CNTN1: variants seen among roughly 807,000 people sequenced by gnomAD.
CNTN1 encodes the protein contactin 1, also known as contactin-1.
CNTN1 carries 38 observed loss-of-function variants against 126.4 expected under a neutral mutation model. The observed-to-expected ratio is 0.30, with a 90% CI of 0.23 to 0.39. The LOEUF (loss-of-function observed/expected upper bound fraction) is 0.39, where lower values mean the gene tolerates loss of function less well. Among genes scored for constraint, CNTN1 ranks in the 10% least tolerant of loss-of-function variants. The probability of loss-of-function intolerance (pLI) is 1.00; values close to 1 mark genes in which losing one functional copy is unlikely to be tolerated. For missense variants in CNTN1, 1,009 were observed against 1,248.4 expected, an observed-to-expected ratio of 0.81 and a Z score of 2.89; for synonymous variants, 413 against 422.6, an observed-to-expected ratio of 0.98 and a Z score of 0.28.
intron 1 of CNTN1, among the ~76,000 whole-genome samples, chr12:40,869,888 G>A (rs1943427117): frequency 6.6e-6 from 1 of 152,138 alleles, no homozygotes; most frequent in South Asian, 2.1e-4. Flanking sequence ...ACATTGATAT[G>A]GTTTGGCTTT....
intron 1 of CNTN1, among the ~76,000 whole-genome samples, chr12:40,746,843 C>T (rs942338159): frequency 1.3e-5 from 2 of 152,130 alleles, no homozygotes; most frequent in Non-Finnish European, 2.9e-5. Flanking sequence ...TGAGCCCACT[C>T]ACCCAGTTCC....
At position 40,987,333 on chromosome 12, in the gene CNTN1, A is replaced by G. The variant is rs1390352048; in HGVS notation, c.1964-5787A>G. On this transcript the variant is annotated intron_variant, in intron 16 of 23. Transcript: ENST00000551295. ...AATGAGATGAAGAAATAGACTATGT[A>G]CTTTTAAGGCAATCTATTGTAAATT... Among the ~76,000 whole-genome samples the G allele has an allele frequency of 4.6e-5, 7 of 152,202 alleles. No individual in the cohort carries two copies. In the East Asian group the frequency reaches 1.2e-3, roughly 25 times the overall value.
At position 41,016,761 on chromosome 12, in the gene CNTN1, A is replaced by G. The variant is rs1366600143; in HGVS notation, c.2264A>G (p.Lys755Arg). The change falls in exon 19 of 24, where the codon AAA becomes AGA. Residue 755 changes from lysine (K) to arginine (R), a missense_variant. Lys to Arg is a conservative substitution (Grantham distance 26). Coordinates refer to ENST00000551295, the MANE Select transcript of CNTN1 (RefSeq NM_001843.4). The stretch of plus-strand genomic sequence containing the variant: ...AAGCCATTTGATGGAGAAGAATGGA[A>G]AAAAGTCACAGTTACTAATCCTGAT... The part of the protein sequence containing the change: ...AFKPFDGEEW[K>R]KVTVTNPDTG... 2 of 1,614,160 alleles carry G rather than the reference A, an allele frequency of 1.2e-6. No individual in the cohort carries two copies. The highest frequency in any genetic ancestry group is 2.2e-5 in the East Asian group (1 of 44,862).
At chr12:40,743,184 A>G (rs899608313) in intron 1 of CNTN1, among the ~76,000 whole-genome samples, 4 of 151,908 alleles carry the variant, frequency 2.6e-5, no homozygotes, top group Non-Finnish European at 4.4e-5. Flanking sequence ...TTGGGCAAGG[A>G]CCAGTTGTGT....
chr12:40,693,954 A>G (rs1416311202), intron 1 of CNTN1, among the ~76,000 whole-genome samples: 2 of 152,216 alleles, frequency 1.3e-5, no homozygotes, highest in African/African-American at 4.8e-5. Flanking sequence ...AGTATTTTGC[A>G]AACATTCTTA....
At chr12:41,004,931 T>A (rs1047199914) in intron 17 of CNTN1, 3 of 152,230 alleles carry the variant, frequency 2.0e-5, no homozygotes, top group Admixed American at 6.5e-5. Context: ...TCATTTACAT[T>A]TAAGGTAACT....
chr12:40,803,350 G>A (rs568077979), intron 1 of CNTN1, among the ~76,000 whole-genome samples: 1 of 152,064 alleles, frequency 6.6e-6, no homozygotes, highest in East Asian at 1.9e-4. Context: ...GGGAGGCATT[G>A]TCCCTGTAAA....
intron 1 of CNTN1, among the ~76,000 whole-genome samples, chr12:40,867,652 A>G (rs953455798): frequency 1.3e-5 from 2 of 152,132 alleles, no homozygotes; most frequent in Non-Finnish European, 1.5e-5. Context: ...GTCTGCAGAA[A>G]TACTAGAATC....
intron 15 of CNTN1, chr12:40,971,960 T>G: frequency 9.9e-7 from 1 of 1,009,766 alleles, no homozygotes; most frequent in Non-Finnish European, 1.2e-6. Flanking sequence ...AATTAGGACA[T>G]AAGCTAAAAG....
intron 1 of CNTN1, among the ~76,000 whole-genome samples, chr12:40,821,178 T>C (rs193131614): frequency 6.6e-6 from 1 of 152,348 alleles, no homozygotes; most frequent in African/African-American, 2.4e-5. Flanking sequence ...AAATTATTTT[T>C]CAAATATTTA....
intron 23 of CNTN1, among the ~76,000 whole-genome samples, chr12:41,030,245 A>G (rs889433944): frequency 9.9e-5 from 15 of 152,098 alleles, no homozygotes; most frequent in African/African-American, 3.6e-4. Context: ...TAAATATGCT[A>G]TATATTAAAC....
chr12:41,050,180 G>C (rs1020852526), intron 23 of CNTN1, among the ~76,000 whole-genome samples: 1 of 152,148 alleles, frequency 6.6e-6, no homozygotes, highest in Admixed American at 6.5e-5. Context: ...GATTACAGGT[G>C]AGAGCCACTG....
chr12:40,804,194 G>A (rs1441481048), intron 1 of CNTN1, among the ~76,000 whole-genome samples: 3 of 151,964 alleles, frequency 2.0e-5, no homozygotes, highest in South Asian at 4.1e-4. Context: ...GCAGTGATTA[G>A]GTTGTGGGCT....
At chr12:40,727,443 T>TAA (rs951020452) in intron 1 of CNTN1, among the ~76,000 whole-genome samples, 9 of 144,010 alleles carry the variant, frequency 6.2e-5, no homozygotes, top group African/African-American at 2.3e-4. Context: ...CATCACAGAT[T>TAA]AAAAAAAAAA....
At chr12:40,738,652 G>A (rs528830039) in intron 1 of CNTN1, among the ~76,000 whole-genome samples, 10 of 152,020 alleles carry the variant, frequency 6.6e-5, no homozygotes, top group East Asian at 1.9e-4. Flanking sequence ...TAAATGACCC[G>A]TTAATAAAGG....
At chr12:40,892,140 G>A (rs1944258950) in intron 1 of CNTN1, among the ~76,000 whole-genome samples, 1 of 152,036 alleles carries the variant, frequency 6.6e-6, no homozygotes, top group South Asian at 2.1e-4. Flanking sequence ...CAAATAACTA[G>A]TTGGCTGTGA....
rs200237008 is a variant in CNTN1, at chr12:41,002,554, C to CTTTTTTTTTTTTTTTTTTTTTTT, written c.2113+9288_2113+9289insTTTTTTTTTTTTTTTTTTTTTTT. On this transcript the variant is annotated intron_variant, in intron 17 of 23. Transcript: ENST00000551295. Reference sequence around the variant, plus strand: ...CTTTTGGGCTGAGACTATAGGGTTTCTTTCTTTTTTTTTTTTTTTTTGAGA... The same window carrying CTTTTTTTTTTTTTTTTTTTTTTT: ...CTTTTGGGCTGAGACTATAGGGTTTCTTTTTTTTTTTTTTTTTTTTTTTTTTCTTTTTTTTTTTTTTTTTGAGA... 2.3e-5 allele frequency among the ~76,000 whole-genome samples: 3 copies of CTTTTTTTTTTTTTTTTTTTTTTT among 131,514 alleles called. 1 individual carries two copies. The highest frequency in any genetic ancestry group is 3.2e-5 in the Non-Finnish European group (2 of 63,130). 86.3% of individuals were successfully genotyped at this position (131,514 alleles called of 152,430 possible).
intron 17 of CNTN1, among the ~76,000 whole-genome samples, chr12:40,994,681 A>G (rs1948171254): frequency 6.6e-6 from 1 of 152,150 alleles, no homozygotes; most frequent in African/African-American, 2.4e-5. Flanking sequence ...GCTTCATCTT[A>G]GATTACCTAC....
intron 23 of CNTN1, among the ~76,000 whole-genome samples, chr12:41,067,719 A>T (rs1339136155): frequency 6.6e-6 from 1 of 151,610 alleles, no homozygotes; most frequent in Admixed American, 6.6e-5. Context: ...ATACATATGT[A>T]ACTAACCTGC....
Sources: allele counts gnomAD v4.1 joint callset (sites outside exome capture counted in the v4.1 genomes callset), GRCh38; gene constraint gnomAD v4.1.1; transcripts MANE v1.5; gene names NCBI Gene and HGNC (gene_info 2026-07-23, HGNC 2026-07-21).